The following STARD9 variants were observed in gnomAD, a reference collection of about 807,000 sequenced individuals.
STARD9 encodes stAR-related lipid transfer protein 9.
A neutral mutation model predicts 399.8 loss-of-function variants in STARD9; 346 were observed. The ratio of observed to expected loss-of-function variants is 0.87; its 90% CI spans 0.79 to 0.95. The LOEUF (loss-of-function observed/expected upper bound fraction) is 0.95, where lower values mean the gene tolerates loss of function less well. STARD9 is among the 40% of genes least tolerant of loss of function. The probability of loss-of-function intolerance (pLI) is 0.00; values close to 1 mark genes in which losing one functional copy is unlikely to be tolerated. For missense variants in STARD9, 5,832 were observed against 5,667.5 expected (o/e 1.03, Z -0.93); for synonymous variants, 2,203 against 2,143.5 (o/e 1.03, Z -0.77).
At chr15:42,674,709 C>T (rs2060273901) in intron 17 of STARD9, 118 bp from the exon 18 acceptor site, 4 of 1,400,450 alleles carry the variant, frequency 2.9e-6, no homozygotes, top group Non-Finnish European at 3.8e-6. Context: ...GTCAGCTCTT[C>T]CTCTTTTATT....
intron 15 of STARD9, 119 bp downstream of exon 15, chr15:42,665,967 C>T (rs752406397): frequency 7.3e-6 from 6 of 823,302 alleles, no homozygotes; most frequent in Non-Finnish European, 1.2e-5. Context: ...CATTTAAATA[C>T]AATGTTTGTT....
chr15:42,620,727 CTTTTA>C lies in STARD9; in HGVS notation c.235-14089_235-14085del, dbSNP rs71108173. On this transcript the variant is annotated intron_variant, in intron 3 of 32. Transcript: ENST00000290607. The stretch of plus-strand genomic sequence containing the variant: ...AGGCCAATTATTTTGTAGAATGTCC[CTTTTA>C]TTTTATTTTATTTTATTTTATTTTA... Among the ~76,000 whole-genome samples, 604 of 142,594 alleles carry C rather than the reference CTTTTA, an allele frequency of 4.2e-3. 5 individuals carry two copies. Among genetic ancestry groups the C allele is most frequent in the South Asian group, 6.1e-3 (26 of 4,270 alleles). 93.5% of individuals were successfully genotyped at this position (142,594 alleles called of 152,430 possible). A position where few individuals can be genotyped will look rare whatever the true frequency, so the allele number is the denominator to read the frequency against.
chr15:42,633,646 C>CTTT (rs1245567571), intron 3 of STARD9, among the ~76,000 whole-genome samples: 8 of 138,782 alleles, frequency 5.8e-5, no homozygotes, highest in Non-Finnish European at 1.1e-4. Context: ...TTCTTTCTTT[C>CTTT]TTTTTTTTTT....
chr15:42,626,187 G>T (rs898827012), intron 3 of STARD9, among the ~76,000 whole-genome samples: 7 of 152,098 alleles, frequency 4.6e-5, no homozygotes, highest in Admixed American at 1.3e-4. Context: ...GCCTCCCAAA[G>T]TGCTGGGATT....
At chr15:42,607,827 A>G (rs1444045695) in intron 3 of STARD9, among the ~76,000 whole-genome samples, 2 of 152,104 alleles carry the variant, frequency 1.3e-5, no homozygotes, top group Non-Finnish European at 1.5e-5. Context: ...GTACTTACAC[A>G]GTAGGGAGGA....
chr15:42,617,926 A>AT (rs1317496544), intron 3 of STARD9, among the ~76,000 whole-genome samples: 1 of 151,702 alleles, frequency 6.6e-6, no homozygotes, highest in Non-Finnish European at 1.5e-5. Context: ...CACTCTGCTA[A>AT]TTTTTTTATT....
intron 15 of STARD9, among the ~76,000 whole-genome samples, chr15:42,666,901 G>A (rs1044540000): frequency 4.6e-5 from 7 of 151,842 alleles, no homozygotes; most frequent in South Asian, 2.1e-4. Flanking sequence ...TGCAACCTCC[G>A]CCTTCCAGGT....
intron 3 of STARD9, among the ~76,000 whole-genome samples, chr15:42,612,669 G>T (rs1318707207): frequency 2.0e-5 from 3 of 152,140 alleles, no homozygotes; most frequent in Non-Finnish European, 2.9e-5. Context: ...ACATTCTTTA[G>T]CAAAAAGAAG....
chr15:42,675,717 G>A lies in STARD9; in HGVS notation c.1741G>A (p.Glu581Lys), dbSNP rs2060296765. Residue 581 changes from glutamate to lysine, a missense_variant, in exon 19 of 33, where the codon GAG (glutamate) becomes AAG (lysine). By Grantham distance (56) the Glu-to-Lys change is moderately conservative (BLOSUM62 1). Coordinates refer to ENST00000290607, the MANE Select transcript of STARD9 (RefSeq NM_020759.3). ...AQKFRFNHPA[E>K]AAVLRQRRQV... Reference sequence around the variant, plus strand: ...GAAGTTCCGATTCAACCACCCAGCAGAGGCTGCTGTCCTGCGGCAGCGAAG... The same window carrying A: ...GAAGTTCCGATTCAACCACCCAGCAAAGGCTGCTGTCCTGCGGCAGCGAAG... 1.3e-6 allele frequency: 2 copies of A among 1,537,134 alleles called. No homozygotes were observed. The highest frequency in any genetic ancestry group is 2.7e-5 in the African/African-American group (2 of 73,056).
Position 42,693,974 on chromosome 15 carries a change from T to C in STARD9, c.12396T>C (p.Ser4132=). 1 of 1,508,180 alleles carries C rather than the reference T, an allele frequency of 6.6e-7. No homozygotes were observed. The highest frequency in any genetic ancestry group is 8.8e-7 in the Non-Finnish European group (1 of 1,130,478). 93.4% of individuals were successfully genotyped at this position (1,508,180 alleles called of 1,614,324 possible). A position where few individuals can be genotyped will look rare whatever the true frequency, so the allele number is the denominator to read the frequency against. The part of the protein sequence containing the change: ...MCMAPEHQHH[S]LRDLPVHNKF... Reference sequence around the variant, plus strand: ...TGGCCCCTGAGCACCAGCACCACAGTCTGAGGGACCTCCCGGTGCATAACA... The same window carrying C: ...TGGCCCCTGAGCACCAGCACCACAGCCTGAGGGACCTCCCGGTGCATAACA... The change falls in exon 23 of 33, where the codon AGT becomes AGC. Residue 4132 remains serine, a synonymous_variant. Coordinates refer to ENST00000290607, the MANE Select transcript of STARD9 (RefSeq NM_020759.3).
At chr15:42,663,770 G>A in intron 12 of STARD9, 50 bp from the exon 13 acceptor site, 1 of 1,334,562 alleles carries the variant, frequency 7.5e-7, no homozygotes, top group Non-Finnish European at 1.0e-6. Flanking sequence ...GTGATTAAGA[G>A]CTGGGATGGA....
At chr15:42,595,209 G>A (rs1371398056) in intron 3 of STARD9, among the ~76,000 whole-genome samples, 3 of 152,108 alleles carry the variant, frequency 2.0e-5, no homozygotes, top group Admixed American at 6.6e-5. Flanking sequence ...AGGTGAGGAG[G>A]AATTTGAGAG....
chr15:42,603,937 T>A (rs1451246105), intron 3 of STARD9, among the ~76,000 whole-genome samples: 1 of 152,206 alleles, frequency 6.6e-6, no homozygotes, highest in African/African-American at 2.4e-5. Context: ...AATCTTGTGA[T>A]CCCTGACTGC....
At position 42,689,544 on chromosome 15, in the gene STARD9, GAC is replaced by G; in HGVS notation, c.7968_7969del (p.Asp2656GlufsTer34). The G allele has an allele frequency of 2.6e-6, 4 of 1,537,292 alleles. No homozygotes were observed. Among genetic ancestry groups the G allele is most frequent in the Non-Finnish European group, 3.5e-6 (4 of 1,146,932 alleles). ...SFESLPNTET[D>X]REPWDPVQAF... ...TGAATCTCTGCCCAATACGGAAACT[GAC>G]AGAGAGCCATGGGATCCTGTGCAGG... On this transcript the variant is annotated frameshift_variant, in exon 23 of 33. Coordinates refer to ENST00000290607, the MANE Select transcript of STARD9 (RefSeq NM_020759.3). LOFTEE classifies it high-confidence loss of function.
intron 16 of STARD9, chr15:42,672,777 C>T (rs746161351): frequency 1.3e-5 from 2 of 152,186 alleles, no homozygotes; most frequent in Non-Finnish European, 2.9e-5. Flanking sequence ...ACAGTGAAGC[C>T]TAGTGGGGAA....
intron 12 of STARD9, 76 bp downstream of exon 12, chr15:42,663,566 G>GT: frequency 1.3e-6 from 1 of 769,328 alleles, no homozygotes; most frequent in South Asian, 1.8e-5. Context: ...GCCCCAGTGA[G>GT]TGGGATGCCA....
chr15:42,703,052 C>G (rs1005773239), intron 26 of STARD9, among the ~76,000 whole-genome samples: 2 of 152,166 alleles, frequency 1.3e-5, no homozygotes, highest in African/African-American at 2.4e-5. Flanking sequence ...ACCATAGTCT[C>G]CTAAAGTGTT....
intron 3 of STARD9, among the ~76,000 whole-genome samples, chr15:42,594,920 G>C (rs1253386808): frequency 6.6e-6 from 1 of 152,132 alleles, no homozygotes; most frequent in Non-Finnish European, 1.5e-5. Context: ...ATGTGACCAG[G>C]TGTGATTAGA....
intron 26 of STARD9, among the ~76,000 whole-genome samples, chr15:42,706,337 T>G (rs1271624870): frequency 6.6e-6 from 1 of 152,220 alleles, no homozygotes; most frequent in African/African-American, 2.4e-5. Context: ...CTTCTGATTA[T>G]TTTGTGTGTA....
Sources: gnomAD v4.1 joint callset for allele counts (sites outside exome capture counted in the v4.1 genomes callset) on GRCh38, gnomAD v4.1.1 for gene constraint, MANE v1.5 for transcripts, NCBI Gene and HGNC (gene_info 2026-07-23, HGNC 2026-07-21) for gene names.